CRYZL1: variants seen among roughly 807,000 people sequenced by gnomAD.
CRYZL1 encodes crystallin zeta like 1.
In CRYZL1, 34 loss-of-function variants were observed where a neutral mutation model predicts 50.6. That is an observed-to-expected ratio of 0.67 (90% CI 0.51 to 0.89). The LOEUF is 0.89. CRYZL1 is among the 40% of genes least tolerant of loss of function. The probability of loss-of-function intolerance (pLI) is 0.00; values close to 1 mark genes in which losing one functional copy is unlikely to be tolerated. For synonymous variants in CRYZL1, 125 were observed against 134.3 expected (o/e 0.93, Z 0.48); for missense variants, 354 against 402.3 (o/e 0.88, Z 1.03).
intron 1 of CRYZL1, chr21:33,639,997 T>C (rs547592869): frequency 3.1e-5 from 18 of 576,824 alleles, no homozygotes; most frequent in Non-Finnish European, 5.1e-5. Flanking sequence ...GGCTAATTTC[T>C]GTATTTTTAG....
At chr21:33,640,130 T>C (rs1039137645) in intron 1 of CRYZL1, 3 of 1,545,810 alleles carry the variant, frequency 1.9e-6, no homozygotes, top group Admixed American at 2.0e-5. Context: ...TCGGCCAATA[T>C]GTGTATTTTT....
At chr21:33,624,495 G>A (rs1200330681) in intron 3 of CRYZL1, among the ~76,000 whole-genome samples, 188 bp downstream of exon 3, 1 of 152,190 alleles carries the variant, frequency 6.6e-6, no homozygotes, top group Non-Finnish European at 1.5e-5. Context: ...GTTGCAGTGA[G>A]CTGAGATTGC....
intron 6 of CRYZL1, among the ~76,000 whole-genome samples, chr21:33,606,957 G>A (rs972969326): frequency 2.6e-5 from 4 of 152,156 alleles, no homozygotes; most frequent in Admixed American, 2.6e-4. Context: ...GTTGCAGTGA[G>A]CTGAGATCAC....
intron 8 of CRYZL1, among the ~76,000 whole-genome samples, chr21:33,601,420 C>T (rs1347916195): frequency 6.6e-6 from 1 of 152,106 alleles, no homozygotes; most frequent in South Asian, 2.1e-4. Flanking sequence ...CAGTCCTTTA[C>T]TAGGTGTATA....
chr21:33,595,944 C>A, intron 10 of CRYZL1, 108 bp from the exon 11 acceptor site: 1 of 728,960 alleles, frequency 1.4e-6, no homozygotes, highest in South Asian at 1.6e-5. Context: ...ATGTCCAAAT[C>A]ACAAAAATAT....
intron 7 of CRYZL1, among the ~76,000 whole-genome samples, chr21:33,602,818 G>A (rs190059978): frequency 3.9e-5 from 6 of 152,372 alleles, no homozygotes; most frequent in Admixed American, 3.9e-4. Flanking sequence ...GCTGAAGCCA[G>A]TGCTGAAGAC....
chr21:33,614,540 T>C (rs1484462917), intron 5 of CRYZL1, among the ~76,000 whole-genome samples: 1 of 152,152 alleles, frequency 6.6e-6, no homozygotes, highest in Non-Finnish European at 1.5e-5. Flanking sequence ...GCTACCTTCC[T>C]ATAGTTTGGT....
chr21:33,629,510 G>T (rs558088401), intron 2 of CRYZL1, among the ~76,000 whole-genome samples: 1 of 152,254 alleles, frequency 6.6e-6, no homozygotes, highest in East Asian at 1.9e-4. Flanking sequence ...CAATCCACCC[G>T]CCTTGGCCTC....
chr21:33,604,167 A>T (rs993033056), intron 6 of CRYZL1, among the ~76,000 whole-genome samples: 3 of 151,738 alleles, frequency 2.0e-5, no homozygotes, highest in African/African-American at 7.3e-5. Context: ...GGAGATCGAG[A>T]CCACGGTGAA....
chr21:33,629,877 A>G (rs1030111666), intron 2 of CRYZL1, among the ~76,000 whole-genome samples: 2 of 152,190 alleles, frequency 1.3e-5, no homozygotes, highest in Non-Finnish European at 1.5e-5. Context: ...TTTGTTATAC[A>G]TGGCTTTTAT....
chr21:33,641,099 C>T (rs2087307649), intron 1 of CRYZL1: 2 of 1,539,728 alleles, frequency 1.3e-6, no homozygotes, highest in South Asian at 2.4e-5. Context: ...CTACTCATAA[C>T]GTGGACAGCA....
intron 6 of CRYZL1, among the ~76,000 whole-genome samples, chr21:33,606,888 G>A (rs1356450585): frequency 2.0e-5 from 3 of 152,012 alleles, no homozygotes; most frequent in Non-Finnish European, 2.9e-5. Flanking sequence ...GCGCATGCCT[G>A]TAATCCCAGC....
At chr21:33,603,685 T>C (rs1432024190) in intron 6 of CRYZL1, 148 bp from the exon 7 acceptor site, 1 of 793,668 alleles carries the variant, frequency 1.3e-6, no homozygotes, top group Non-Finnish European at 1.9e-6. Context: ...TTTCCATTAT[T>C]TGCCCATGAA....
At chr21:33,635,298 T>G (rs957378687) in intron 1 of CRYZL1, among the ~76,000 whole-genome samples, 2 of 152,092 alleles carry the variant, frequency 1.3e-5, no homozygotes, top group African/African-American at 4.8e-5. Context: ...TTAATAAAAT[T>G]TGTATTGACT....
chr21:33,632,033 A>T (rs148514564), intron 1 of CRYZL1, among the ~76,000 whole-genome samples: 2 of 152,070 alleles, frequency 1.3e-5, no homozygotes, highest in Non-Finnish European at 2.9e-5. Context: ...GGAAGTATTT[A>T]AACTTATAGC....
chr21:33,617,106 T>A, intron 4 of CRYZL1: 1 of 162,404 alleles, frequency 6.2e-6, no homozygotes, highest in Non-Finnish European at 1.3e-5. Context: ...AACCTCCACC[T>A]CCCAGGTTCA....
At chr21:33,630,361 G>A (rs1035709947) in intron 2 of CRYZL1, among the ~76,000 whole-genome samples, 3 of 152,138 alleles carry the variant, frequency 2.0e-5, no homozygotes, top group East Asian at 3.9e-4. Context: ...TGAGGCGAGC[G>A]GATCACCTGA....
intron 2 of CRYZL1, among the ~76,000 whole-genome samples, chr21:33,627,656 T>A (rs533854448): frequency 5.9e-4 from 89 of 151,918 alleles, no homozygotes; most frequent in Non-Finnish European, 9.3e-4. Flanking sequence ...TAAAACTTAG[T>A]AAATCAGGTA....
chr21:33,635,245 A>C (rs2069362487), intron 1 of CRYZL1, among the ~76,000 whole-genome samples: 1 of 149,464 alleles, frequency 6.7e-6, no homozygotes, highest in South Asian at 2.1e-4. Flanking sequence ...ATTTCATTTT[A>C]TTTTTTGTTT....
Sources: gnomAD v4.1 joint callset for allele counts (sites outside exome capture counted in the v4.1 genomes callset) on GRCh38, gnomAD v4.1.1 for gene constraint, MANE v1.5 for transcripts, NCBI Gene and HGNC (gene_info 2026-07-23, HGNC 2026-07-21) for gene names.